Variants in SLC17A1 observed in about 807,000 individuals in gnomAD.
The protein encoded by SLC17A1 is solute carrier family 17 member 1, also known as sodium-dependent phosphate transport protein 1.
Under a neutral mutation model 53.5 loss-of-function variants are expected in SLC17A1, and 51 were observed. That is an observed-to-expected ratio of 0.95 (90% CI 0.76 to 1.20). The LOEUF is 1.20. SLC17A1 is among the 50% of genes most tolerant of loss of function. The pLI is 0.00. For missense variants in SLC17A1, 538 were observed against 568.2 expected (o/e 0.95, Z 0.54); for synonymous variants, 179 against 198.8 (o/e 0.90, Z 0.84).
chr6:25,791,109 G>A lies in SLC17A1; in HGVS notation c.*2+7674C>T, dbSNP rs190469313. ...AAAACCTGAAGCCAAGTTCAGCAAT[G>A]GAAGTCTTATCATGTTCTTATATCA... On this transcript the variant is annotated intron_variant, in intron 12 of 12. Transcript: ENST00000244527. Among the ~76,000 whole-genome samples, 39 of 152,198 alleles carry A rather than the reference G, an allele frequency of 2.6e-4. 1 individual carries two copies. Among genetic ancestry groups the A allele is most frequent in the Admixed American group, 9.2e-4 (14 of 15,280 alleles).
At chr6:25,817,946 A>G (rs185409650) in intron 6 of SLC17A1, among the ~76,000 whole-genome samples, 26 of 152,360 alleles carry the variant, frequency 1.7e-4, no homozygotes, top group South Asian at 6.2e-4. Flanking sequence ...AGTCATTAAC[A>G]GCAATGGAAT....
chr6:25,731,437 G>T, the SLC17A1 span, among the ~76,000 whole-genome samples: 2 of 152,168 alleles, frequency 1.3e-5, no homozygotes, highest in African/African-American at 2.4e-5. Context: ...TGCTGTCATC[G>T]TAGAGTGTTT....
At chr6:25,802,326 A>G (rs1454921783) in intron 10 of SLC17A1, among the ~76,000 whole-genome samples, 4 of 152,186 alleles carry the variant, frequency 2.6e-5, no homozygotes, top group African/African-American at 9.7e-5. Context: ...TTAAATTATT[A>G]GTGCATTTTA....
At position 25,830,408 on chromosome 6, in the gene SLC17A1, T is replaced by C; in HGVS notation, c.34+116A>G. 4 of 780,528 alleles carry C rather than the reference T, an allele frequency of 5.1e-6. No individual in the cohort carries two copies. In the South Asian group the frequency reaches 6.9e-5, roughly 13 times the overall value. 48.4% of individuals were successfully genotyped at this position (780,528 alleles called of 1,614,324 possible). On this transcript the variant is annotated intron_variant, in intron 2 of 12. Transcript: ENST00000244527. ...AGGACTGGTTTCTTCTACCTTCTTT[T>C]CTGAACATTTTTAAGACCCCATATG...
chr6:25,735,144 G>A, the SLC17A1 span, among the ~76,000 whole-genome samples: 1 of 152,118 alleles, frequency 6.6e-6, no homozygotes, highest in Non-Finnish European at 1.5e-5. Context: ...ATATGACAAG[G>A]GATTTTAATA....
At chr6:25,792,702 A>ATTTAG (rs1249386816) in intron 12 of SLC17A1, among the ~76,000 whole-genome samples, 2 of 152,128 alleles carry the variant, frequency 1.3e-5, no homozygotes, top group Non-Finnish European at 1.5e-5. Flanking sequence ...CTCGTAATAA[A>ATTTAG]CACTCTTTAG....
chr6:25,752,365 T>C, the SLC17A1 span, among the ~76,000 whole-genome samples: 2 of 152,032 alleles, frequency 1.3e-5, no homozygotes, highest in African/African-American at 2.4e-5. Flanking sequence ...AGTAAAAAGA[T>C]AAAAAATGGT....
At chr6:25,744,758 C>G in the SLC17A1 span, among the ~76,000 whole-genome samples, 2 of 152,128 alleles carry the variant, frequency 1.3e-5, no homozygotes, top group African/African-American at 4.8e-5. Flanking sequence ...TGGAAATCAA[C>G]AACCACTATA....
chr6:25,749,240 A>G, the SLC17A1 span, among the ~76,000 whole-genome samples: 1 of 152,318 alleles, frequency 6.6e-6, no homozygotes, highest in Non-Finnish European at 1.5e-5. Context: ...GATGACTTTT[A>G]CCAAGCATAC....
intron 6 of SLC17A1, among the ~76,000 whole-genome samples, chr6:25,815,244 G>T (rs1764308424): frequency 8.0e-6 from 1 of 125,184 alleles, no homozygotes; most frequent in Non-Finnish European, 1.7e-5. Flanking sequence ...AGGGAGGGAG[G>T]AATGAAGGGA....
chr6:25,763,384 T>C, the SLC17A1 span, among the ~76,000 whole-genome samples: 1 of 152,236 alleles, frequency 6.6e-6, no homozygotes, highest in South Asian at 2.1e-4. Context: ...AGTTATTTTG[T>C]TGTGTATCCA....
intron 5 of SLC17A1, 90 bp from the exon 6 acceptor site, chr6:25,819,244 C>A: frequency 1.2e-6 from 1 of 868,250 alleles, no homozygotes; most frequent in East Asian, 2.7e-5. Context: ...GAACAATTTC[C>A]TGTGAAACAA....
chr6:25,726,870 G>C, the SLC17A1 span: 4 of 1,575,642 alleles, frequency 2.5e-6, no homozygotes, highest in Non-Finnish European at 2.6e-6. Flanking sequence ...TGTAACCCTG[G>C]AAAAGAACCG....
chr6:25,763,561 G>C, the SLC17A1 span, among the ~76,000 whole-genome samples: 4 of 152,140 alleles, frequency 2.6e-5, no homozygotes, highest in Admixed American at 2.6e-4. Context: ...CTGGGTACCA[G>C]TACCCCCATC....
chr6:25,791,443 G>A (rs934117436), intron 12 of SLC17A1, among the ~76,000 whole-genome samples: 4 of 152,012 alleles, frequency 2.6e-5, no homozygotes, highest in Non-Finnish European at 5.9e-5. Flanking sequence ...TAAATATTAA[G>A]CCCAGAAATA....
chr6:25,759,918 T>C, the SLC17A1 span, among the ~76,000 whole-genome samples: 1 of 152,228 alleles, frequency 6.6e-6, no homozygotes, highest in Non-Finnish European at 1.5e-5. Context: ...TATTAAATAA[T>C]CATTAGTTAG....
intron 1 of SLC17A1, among the ~76,000 whole-genome samples, chr6:25,831,045 T>C (rs1764927157): frequency 6.6e-6 from 1 of 152,128 alleles, no homozygotes; most frequent in Non-Finnish European, 1.5e-5. Flanking sequence ...AACAAATTCC[T>C]TTTTTCCCCC....
chr6:25,830,458 A>G lies in SLC17A1; in HGVS notation c.34+66T>C. The stretch of plus-strand genomic sequence containing the variant: ...GTATATCACAAAAATATTCTTCCAC[A>G]TGGAATCTGTGATGTAATATTTAAG... On this transcript the variant is annotated intron_variant, in intron 2 of 12. Transcript: ENST00000244527. 8 of 1,225,582 alleles carry G rather than the reference A, an allele frequency of 6.5e-6. 2 individuals carry two copies. The allele number at this position is 1,225,582 out of a possible 1,614,324, so 75.9% of individuals were successfully genotyped here. A position where few individuals can be genotyped will look rare whatever the true frequency, so the allele number is the denominator to read the frequency against.
At chr6:25,768,851 C>A in the SLC17A1 span, 1 of 820,946 alleles carries the variant, frequency 1.2e-6, no homozygotes, top group Non-Finnish European at 1.9e-6. Context: ...TTCCACTACA[C>A]ACCTACAGAG....
Sources: gnomAD v4.1 joint callset for allele counts (sites outside exome capture counted in the v4.1 genomes callset) on GRCh38, gnomAD v4.1.1 for gene constraint, MANE v1.5 for transcripts, NCBI Gene and HGNC (gene_info 2026-07-23, HGNC 2026-07-21) for gene names.